MRPS27: variants seen among roughly 807,000 people sequenced by gnomAD.
MRPS27 encodes the protein mitochondrial ribosomal protein S27, also known as small ribosomal subunit protein mS27.
A neutral mutation model predicts 48.9 loss-of-function variants in MRPS27; 43 were observed. The ratio of observed to expected loss-of-function variants is 0.88; its 90% CI spans 0.69 to 1.13. The LOEUF (loss-of-function observed/expected upper bound fraction) is 1.13. MRPS27 is among the 50% of genes most tolerant of loss of function. The pLI, the probability that MRPS27 is intolerant of heterozygous loss-of-function variation, is 0.00. For synonymous variants in MRPS27, 188 were observed against 171.9 expected (o/e 1.09, Z -0.73); for missense variants, 467 against 476.3 (o/e 0.98, Z 0.18).
chr5:72,248,318 C>A (rs753010222), intron 4 of MRPS27, among the ~76,000 whole-genome samples: 3 of 152,106 alleles, frequency 2.0e-5, no homozygotes, highest in Non-Finnish European at 2.9e-5. Flanking sequence ...TAAGAAGGAA[C>A]AGTTACAATT....
chr5:72,226,427 C>T (rs556657527), intron 8 of MRPS27, among the ~76,000 whole-genome samples: 1 of 152,238 alleles, frequency 6.6e-6, no homozygotes, highest in East Asian at 1.9e-4. Context: ...ATTACATGAA[C>T]TTAGTTTTCT....
intron 10 of MRPS27, among the ~76,000 whole-genome samples, chr5:72,221,763 A>G (rs1263133216): frequency 6.6e-6 from 1 of 152,238 alleles, no homozygotes; most frequent in Non-Finnish European, 1.5e-5. Context: ...CTGCACCGTT[A>G]GAAGCGTCTG....
chr5:72,297,510 C>T (rs1750011369), intron 3 of MRPS27, 122 bp downstream of exon 3: 4 of 594,826 alleles, frequency 6.7e-6, no homozygotes, highest in East Asian at 3.3e-5. Flanking sequence ...TAAAAACTTA[C>T]CATACTCTCA....
At chr5:72,283,421 G>A (rs1456170427) in intron 4 of MRPS27, among the ~76,000 whole-genome samples, 1 of 152,130 alleles carries the variant, frequency 6.6e-6, no homozygotes, top group Non-Finnish European at 1.5e-5. Flanking sequence ...GATACACTGG[G>A]CTAGCTGATG....
Position 72,320,200 on chromosome 5 carries a change from G to A in MRPS27, c.22C>T (p.Arg8Cys), listed in dbSNP as rs757012856. MAASIVR[R>C]GMLLARQVVL... ...ACTTGCCGCGCCAGGAGCATCCCGCGCCGCACTATGGAGGCAGCCATCTTG... is the reference window on the plus strand; with the variant it reads ...ACTTGCCGCGCCAGGAGCATCCCGCACCGCACTATGGAGGCAGCCATCTTG... The change falls in exon 1 of 11, where the codon CGC becomes TGC. Residue 8 changes from arginine to cysteine, a missense_variant. Arg to Cys is a radical substitution (Grantham distance 180, BLOSUM62 -3). Coordinates refer to ENST00000261413, the MANE Select transcript of MRPS27 (RefSeq NM_015084.3). 1.2e-6 allele frequency: 2 copies of A among 1,613,972 alleles called. No individual in the cohort carries two copies. The highest frequency in any genetic ancestry group is 1.7e-6 in the Non-Finnish European group (2 of 1,179,908).
intron 8 of MRPS27, 22 bp from the exon 9 acceptor site, chr5:72,226,221 A>G (rs1747891889): frequency 1.2e-6 from 2 of 1,612,698 alleles, no homozygotes; most frequent in Non-Finnish European, 1.7e-6. Flanking sequence ...AAGAACAATA[A>G]AGAATGCTCA....
At chr5:72,273,256 T>C (rs1749292272) in intron 4 of MRPS27, among the ~76,000 whole-genome samples, 1 of 152,236 alleles carries the variant, frequency 6.6e-6, no homozygotes, top group East Asian at 1.9e-4. Context: ...GCTGGGCCAC[T>C]GGTCCGGGAT....
intron 2 of MRPS27, among the ~76,000 whole-genome samples, chr5:72,301,972 G>T (rs188220074): frequency 6.6e-6 from 1 of 152,310 alleles, no homozygotes; most frequent in East Asian, 1.9e-4. Flanking sequence ...CCCAGGTTTT[G>T]TTCAAAGAGA....
intron 4 of MRPS27, among the ~76,000 whole-genome samples, chr5:72,289,931 C>T (rs1044581979): frequency 6.6e-6 from 1 of 152,088 alleles, no homozygotes; most frequent in African/African-American, 2.4e-5. Context: ...TTTAAAAATG[C>T]AATTTGCAAA....
At chr5:72,247,194 CAA>C (rs1278929042) in intron 4 of MRPS27, among the ~76,000 whole-genome samples, 1 of 152,128 alleles carries the variant, frequency 6.6e-6, no homozygotes, top group African/African-American at 2.4e-5. Context: ...TACAATCAAG[CAA>C]AGTGATTTCA....
intron 4 of MRPS27, among the ~76,000 whole-genome samples, chr5:72,244,160 A>G (rs1748443622): frequency 6.6e-6 from 1 of 152,140 alleles, no homozygotes; most frequent in African/African-American, 2.4e-5. Context: ...CCCTACATAT[A>G]GTCATTAGAC....
chr5:72,288,740 G>A (rs1412212006), intron 4 of MRPS27: 1 of 152,148 alleles, frequency 6.6e-6, no homozygotes, highest in Non-Finnish European at 1.5e-5. Flanking sequence ...CTCCCCTTGG[G>A]TTCTTACTCT....
chr5:72,302,421 C>T (rs542887087), intron 2 of MRPS27, among the ~76,000 whole-genome samples: 8 of 152,224 alleles, frequency 5.3e-5, no homozygotes, highest in South Asian at 4.1e-4. Flanking sequence ...CAATCAAGCA[C>T]GTCAGTTATG....
chr5:72,314,622 C>T (rs1379070370), intron 1 of MRPS27: 1 of 154,560 alleles, frequency 6.5e-6, no homozygotes, highest in African/African-American at 2.4e-5. Flanking sequence ...CCCAGAACTC[C>T]TGGGTGATCC....
intron 2 of MRPS27, among the ~76,000 whole-genome samples, chr5:72,312,404 G>A (rs1366595340): frequency 1.3e-5 from 2 of 151,924 alleles, no homozygotes; most frequent in Non-Finnish European, 2.9e-5. Flanking sequence ...TTATGATAGC[G>A]CCACTCCTGG....
At chr5:72,236,303 A>T (rs1312181280) in intron 5 of MRPS27, among the ~76,000 whole-genome samples, 1 of 152,148 alleles carries the variant, frequency 6.6e-6, no homozygotes, top group Non-Finnish European at 1.5e-5. Context: ...AGAGTTGGAA[A>T]TCACTGATTT....
chr5:72,297,012 T>C (rs2112064386), intron 3 of MRPS27, among the ~76,000 whole-genome samples: 1 of 152,314 alleles, frequency 6.6e-6, no homozygotes, highest in African/African-American at 2.4e-5. Context: ...ATATCTGGGT[T>C]TGAATCTCAG....
intron 4 of MRPS27, among the ~76,000 whole-genome samples, chr5:72,247,300 A>T (rs936769512): frequency 6.6e-6 from 1 of 152,220 alleles, no homozygotes; most frequent in Non-Finnish European, 1.5e-5. Context: ...CCAGCACTTA[A>T]GTTTAATGAC....
intron 4 of MRPS27, among the ~76,000 whole-genome samples, chr5:72,261,522 A>C (rs1480004450): frequency 3.3e-5 from 5 of 152,142 alleles, no homozygotes; most frequent in African/African-American, 4.8e-5. Context: ...CAGGAAAAAA[A>C]AAAACAAAAA....
Sources: gnomAD v4.1 joint callset for allele counts (sites outside exome capture counted in the v4.1 genomes callset) on GRCh38, gnomAD v4.1.1 for gene constraint, MANE v1.5 for transcripts, NCBI Gene and HGNC (gene_info 2026-07-23, HGNC 2026-07-21) for gene names.